The following PLXDC2 variants were observed in gnomAD, a reference collection of about 807,000 sequenced individuals.
PLXDC2 encodes plexin domain-containing protein 2.
Under a neutral mutation model 68.9 loss-of-function variants are expected in PLXDC2, and 40 were observed. That is an observed-to-expected ratio of 0.58 (90% CI 0.45 to 0.76). The LOEUF (loss-of-function observed/expected upper bound fraction) is 0.76. Among genes scored for constraint, PLXDC2 ranks in the 30% least tolerant of loss-of-function variants. The probability of loss-of-function intolerance (pLI) is 0.00; values close to 1 mark genes in which losing one functional copy is unlikely to be tolerated. For missense variants in PLXDC2, 644 were observed against 661.9 expected (o/e 0.97, Z 0.30); for synonymous variants, 243 against 234.2 (o/e 1.04, Z -0.34).
At chr10:20,112,426 T>G (rs1443436930) in intron 4 of PLXDC2, among the ~76,000 whole-genome samples, 5 of 152,146 alleles carry the variant, frequency 3.3e-5, no homozygotes, top group Non-Finnish European at 7.4e-5. Flanking sequence ...TCTTCCTGAA[T>G]GTACAGACTT....
At chr10:20,271,173 C>G (rs1221284095) in intron 13 of PLXDC2, among the ~76,000 whole-genome samples, 2 of 82,520 alleles carry the variant, frequency 2.4e-5, no homozygotes, top group Non-Finnish European at 5.2e-5. Context: ...ACAAACAGAG[C>G]AAGATGCAAG....
At chr10:20,237,177 G>T (rs79547563) in intron 12 of PLXDC2, among the ~76,000 whole-genome samples, 3 of 152,018 alleles carry the variant, frequency 2.0e-5, no homozygotes, top group Non-Finnish European at 4.4e-5. Flanking sequence ...TTTGTGCACC[G>T]GCTTTTATAT....
intron 9 of PLXDC2, among the ~76,000 whole-genome samples, chr10:20,189,355 C>A (rs144182796): frequency 6.7e-6 from 1 of 149,924 alleles, no homozygotes; most frequent in African/African-American, 2.4e-5. Context: ...AAGAGAAATA[C>A]GTATTACCAT....
rs1287263909 is a variant in PLXDC2 at position 19,816,971 on chromosome 10, C to G, written c.-109C>G. 1 of 746,484 alleles carries G rather than the reference C, an allele frequency of 1.3e-6. No individual in the cohort carries two copies. The highest frequency in any genetic ancestry group is 2.2e-6 in the Non-Finnish European group (1 of 453,422). The allele number at this position is 746,484 out of a possible 1,614,324, so 46.2% of individuals were successfully genotyped here. On this transcript the variant is annotated 5_prime_UTR_variant, in exon 1 of 14. Transcript: ENST00000377252. ...GCGACATTTACAAAGGCCTCCGGGT[C>G]CTACCGAGACCGATCCGCAGCGTTT...
At chr10:19,885,144 A>G (rs1837818008) in intron 1 of PLXDC2, among the ~76,000 whole-genome samples, 5 of 152,264 alleles carry the variant, frequency 3.3e-5, no homozygotes, top group Admixed American at 2.0e-4. Context: ...GGCTGCATAA[A>G]TGTCTTCTTT....
At chr10:19,837,022 C>T (rs1836806289) in intron 1 of PLXDC2, among the ~76,000 whole-genome samples, 1 of 152,054 alleles carries the variant, frequency 6.6e-6, no homozygotes, top group Non-Finnish European at 1.5e-5. Context: ...TTTTGGAACT[C>T]TCTTCTCACT....
At chr10:19,873,054 C>T (rs766423784) in intron 1 of PLXDC2, among the ~76,000 whole-genome samples, 3 of 152,148 alleles carry the variant, frequency 2.0e-5, no homozygotes, top group East Asian at 1.9e-4. Context: ...TACAGCAAAA[C>T]GGTCGGTACA....
At chr10:20,093,722 G>A (rs1341283278) in intron 4 of PLXDC2, among the ~76,000 whole-genome samples, 1 of 152,216 alleles carries the variant, frequency 6.6e-6, no homozygotes, top group Non-Finnish European at 1.5e-5. Context: ...TGCCCAGGCT[G>A]TAGTGTAGTG....
At chr10:20,015,847 G>A (rs527895366) in intron 2 of PLXDC2, among the ~76,000 whole-genome samples, 3 of 152,006 alleles carry the variant, frequency 2.0e-5, no homozygotes, top group African/African-American at 4.8e-5. Context: ...TGTCCACTTC[G>A]GTTTGTTCCA....
chr10:20,194,886 A>C (rs914024596), intron 9 of PLXDC2, among the ~76,000 whole-genome samples: 1 of 148,806 alleles, frequency 6.7e-6, no homozygotes, highest in Admixed American at 6.9e-5. Context: ...AATTACTATT[A>C]TGTGGCATTA....
chr10:19,867,612 G>C (rs1400473132), intron 1 of PLXDC2, among the ~76,000 whole-genome samples: 1 of 152,124 alleles, frequency 6.6e-6, no homozygotes, highest in Non-Finnish European at 1.5e-5. Flanking sequence ...CTCTTGAAGG[G>C]ACTCACAATT....
intron 1 of PLXDC2, among the ~76,000 whole-genome samples, chr10:19,822,655 C>A (rs1328714802): frequency 1.3e-5 from 2 of 152,078 alleles, no homozygotes; most frequent in African/African-American, 4.8e-5. Context: ...GTCTTTTTGA[C>A]AATAGCCATC....
chr10:20,032,831 T>C (rs55860822), intron 2 of PLXDC2, among the ~76,000 whole-genome samples: 45,019 of 151,428 alleles, frequency 0.3, 8,340 homozygotes, highest in Middle Eastern at 0.43. Context: ...ATATATATTA[T>C]GTGCCAAGCA....
chr10:20,163,152 GA>G (rs1248882993), intron 6 of PLXDC2, among the ~76,000 whole-genome samples: 1 of 152,128 alleles, frequency 6.6e-6, no homozygotes, highest in Non-Finnish European at 1.5e-5. Flanking sequence ...AATACCAGAA[GA>G]CTAATTTATA....
intron 12 of PLXDC2, among the ~76,000 whole-genome samples, 156 bp downstream of exon 12, chr10:20,219,258 G>T (rs1381461770): frequency 6.6e-6 from 1 of 152,142 alleles, no homozygotes; most frequent in Non-Finnish European, 1.5e-5. Flanking sequence ...CAGTGGGTTG[G>T]CTTGAAAGTG....
chr10:19,859,211 G>T (rs1407952311), intron 1 of PLXDC2, among the ~76,000 whole-genome samples: 11 of 152,064 alleles, frequency 7.2e-5, no homozygotes, highest in Admixed American at 7.2e-4. Context: ...CAACATTGGG[G>T]ACCAGATTTC....
At chr10:20,084,674 C>T (rs1319680911) in intron 4 of PLXDC2, among the ~76,000 whole-genome samples, 1 of 152,016 alleles carries the variant, frequency 6.6e-6, no homozygotes, top group Non-Finnish European at 1.5e-5. Context: ...CCTTAACTTC[C>T]AGACCATGAG....
At position 20,186,476 on chromosome 10, in the gene PLXDC2, G is replaced by A. The variant is rs146862570; in HGVS notation, c.1061+9067G>A. On this transcript the variant is annotated intron_variant, in intron 9 of 13. Transcript: ENST00000377252. ...AGGCTTGTTATATAGGTAAACTCAC[G>A]TCATGGGGGTTTGATATGTGGATTA... Among the ~76,000 whole-genome samples, 162 of 151,932 alleles carry A rather than the reference G, an allele frequency of 1.1e-3. 2 individuals carry two copies. The highest frequency in any genetic ancestry group is 3.8e-3 in the African/African-American group (158 of 41,492).
At chr10:19,885,736 A>T (rs986790895) in intron 1 of PLXDC2, among the ~76,000 whole-genome samples, 28 of 152,260 alleles carry the variant, frequency 1.8e-4, no homozygotes, top group Non-Finnish European at 3.2e-4. Flanking sequence ...TACCAGTACC[A>T]TGCTGTTTTG....
Sources: gnomAD v4.1 joint callset for allele counts (sites outside exome capture counted in the v4.1 genomes callset) on GRCh38, gnomAD v4.1.1 for gene constraint, MANE v1.5 for transcripts, NCBI Gene and HGNC (gene_info 2026-07-23, HGNC 2026-07-21) for gene names.